Variants in JADE1 observed in about 807,000 individuals in gnomAD.
JADE1 encodes the protein jade family PHD finger 1, also known as protein Jade-1.
In JADE1, 14 loss-of-function variants were observed where a neutral mutation model predicts 81.8. The observed-to-expected ratio is 0.17, with a 90% confidence interval of 0.11 to 0.27. The LOEUF is 0.27. Among genes scored for constraint, JADE1 ranks in the 10% least tolerant of loss-of-function variants. The pLI, the probability that JADE1 is intolerant of heterozygous loss-of-function variation, is 1.00. For synonymous variants in JADE1, 353 were observed against 391.9 expected, an observed-to-expected ratio of 0.90 and a Z score of 1.17; for missense variants, 690 against 1,047.9, an observed-to-expected ratio of 0.66 and a Z score of 4.71.
At chr4:128,830,048 T>G (rs940414655) in intron 1 of JADE1, among the ~76,000 whole-genome samples, 2 of 151,470 alleles carry the variant, frequency 1.3e-5, no homozygotes, top group African/African-American at 4.9e-5. Context: ...CGGCTAATTT[T>G]TGTATTTTTA....
Position 128,872,734 on chromosome 4 carries a change from G to T in JADE1, c.*472G>T. The stretch of plus-strand genomic sequence containing the variant: ...GATCTTGAAATCATATTTATATTTG[G>T]CCCTCAAGGCTATTTTTGTTGCATT... On this transcript the variant is annotated 3_prime_UTR_variant, in exon 11 of 11. Coordinates refer to ENST00000226319, the MANE Select transcript of JADE1 (RefSeq NM_199320.4). 3.5e-6 allele frequency: 1 copy of T among 288,340 alleles called. No individual in the cohort carries two copies. Among genetic ancestry groups the T allele is most frequent in the South Asian group, 3.1e-5 (1 of 32,604 alleles). 17.9% of individuals were successfully genotyped at this position (288,340 alleles called of 1,614,324 possible).
intron 10 of JADE1, among the ~76,000 whole-genome samples, chr4:128,870,245 A>G (rs1052553367): frequency 3.9e-5 from 6 of 152,226 alleles, no homozygotes; most frequent in Non-Finnish European, 8.8e-5. Flanking sequence ...AGCAGGTTGT[A>G]AAACACCTCC....
chr4:128,812,451 C>A (rs992283777), intron 1 of JADE1, among the ~76,000 whole-genome samples: 14 of 152,048 alleles, frequency 9.2e-5, no homozygotes, highest in Non-Finnish European at 1.9e-4. Context: ...CGGGGTGCCC[C>A]CCTTGCTGGG....
At position 128,855,674 on chromosome 4, in the gene JADE1, C is replaced by T. The variant is rs200813117; in HGVS notation, c.741C>T (p.Cys247=). The change falls in exon 7 of 11, where the codon TGC becomes TGT. Residue 247 remains cysteine, a synonymous_variant. Coordinates refer to ENST00000226319, the MANE Select transcript of JADE1 (RefSeq NM_199320.4). ...AGGTACCAGAGGGCAGCTGGCTGTGCCGGACATGTGCCCTGGGGGTTCAGC... is the reference window on the plus strand; with the variant it reads ...AGGTACCAGAGGGCAGCTGGCTGTGTCGGACATGTGCCCTGGGGGTTCAGC... The part of the protein sequence containing the change: ...ILKVPEGSWL[C]RTCALGVQPK... The T allele has an allele frequency of 1.2e-6, 2 of 1,614,020 alleles. No individual in the cohort carries two copies. Among genetic ancestry groups the T allele is most frequent in the African/African-American group, 2.7e-5 (2 of 75,058 alleles).
intron 1 of JADE1, among the ~76,000 whole-genome samples, chr4:128,814,176 TG>T (rs1454792719): frequency 3.3e-5 from 5 of 152,140 alleles, no homozygotes; most frequent in African/African-American, 1.2e-4. Flanking sequence ...ATGAAAAGTA[TG>T]TGTGTCTGGG....
chr4:128,823,256 A>T (rs973960957), intron 1 of JADE1, among the ~76,000 whole-genome samples: 1 of 152,238 alleles, frequency 6.6e-6, no homozygotes, highest in African/African-American at 2.4e-5. Context: ...CTTAGAGCTC[A>T]TAAGCAGTGA....
chr4:128,819,597 C>T (rs182739847), intron 1 of JADE1, among the ~76,000 whole-genome samples: 3 of 152,294 alleles, frequency 2.0e-5, no homozygotes, highest in South Asian at 2.1e-4. Context: ...CCTACCACTC[C>T]GGGAGAACTC....
chr4:128,848,944 A>G, intron 4 of JADE1, 36 bp from the exon 5 acceptor site: 10 of 1,607,334 alleles, frequency 6.2e-6, no homozygotes, highest in Middle Eastern at 1.7e-4. Flanking sequence ...TGTGGCTGAA[A>G]GGGTAACCTG....
Position 128,871,823 on chromosome 4 carries a change from A to G in JADE1, c.2090A>G (p.Asn697Ser). Residue 697 changes from asparagine (N) to serine (S), a missense_variant, in exon 11 of 11, where the codon AAC becomes AGC. Physicochemically the swap from Asn to Ser is conservative, Grantham distance 46 (BLOSUM62 1). Around this residue, in one of 8 missense-constraint regions of JADE1, gnomAD observed 218 missense variants for 274.3 expected, o/e 0.79. Transcript: ENST00000226319. This position sits in a 1 kb window ranked among gnomAD's most constrained non-coding sequence, Gnocchi z 4.1. ...GATGTGTCCCAGAGGCATCTGGACA[A>G]CACAAGAGCTGCCACCTCCCCTGGA... Reference protein sequence around the residue: ...STDVSQRHLDNTRAATSPGVG... With the variant: ...STDVSQRHLDSTRAATSPGVG... The G allele has an allele frequency of 3.1e-6, 5 of 1,614,188 alleles. No individual in the cohort carries two copies. Among genetic ancestry groups the G allele is most frequent in the Non-Finnish European group, 3.4e-6 (4 of 1,180,008 alleles).
chr4:128,873,244 C>A lies in JADE1; in HGVS notation c.*982C>A, dbSNP rs2125909692. 1 of 93,416 alleles carries A rather than the reference C, an allele frequency of 1.1e-5. No individual in the cohort carries two copies. The highest frequency in any genetic ancestry group is 3.2e-4 in the East Asian group (1 of 3,164). 5.8% of individuals were successfully genotyped at this position (93,416 alleles called of 1,614,324 possible). A position where few individuals can be genotyped will look rare whatever the true frequency, so the allele number is the denominator to read the frequency against. On this transcript the variant is annotated 3_prime_UTR_variant, in exon 11 of 11. Transcript: ENST00000226319. ...CTGGGCTTCCAACATGAATGGATTC[C>A]TTAAGAAAAAGGAAAAAAAAAAAAA...
intron 1 of JADE1, among the ~76,000 whole-genome samples, chr4:128,814,707 T>C (rs146429142): frequency 0.023 from 3,480 of 150,680 alleles, 117 homozygotes; most frequent in African/African-American, 0.076. Context: ...GATTACAGGC[T>C]CCCGCCACCA....
rs1197172891 is a variant in JADE1 at position 128,875,189 on chromosome 4, CTGTA to C, written c.*2931_*2934del. 6.6e-6 allele frequency: 1 copy of C among 152,554 alleles called. No homozygotes were observed. The highest frequency in any genetic ancestry group is 1.5e-5 in the Non-Finnish European group (1 of 68,008). The allele number at this position is 152,554 out of a possible 1,614,324, so 9.5% of individuals were successfully genotyped here. On this transcript the variant is annotated 3_prime_UTR_variant, in exon 11 of 11. Transcript: ENST00000226319. Reference sequence around the variant, plus strand: ...ATTTAGTAGAATTGTGCCTTTTTGTCTGTATGTGAATAAATGCTGTACATTTTGC... The same window carrying C: ...ATTTAGTAGAATTGTGCCTTTTTGTCTGTGAATAAATGCTGTACATTTTGC...
rs77058527 is a variant in JADE1, at chr4:128,869,672, T to C, written c.1622-1683T>C. ...ATATTCTTAATAAGTCTGGGAGTTATTTTGTGGTAACAGAGCTGTAATGTA... is the reference window on the plus strand; with the variant it reads ...ATATTCTTAATAAGTCTGGGAGTTACTTTGTGGTAACAGAGCTGTAATGTA... On this transcript the variant is annotated intron_variant, in intron 10 of 10. Transcript: ENST00000226319. Among the ~76,000 whole-genome samples the C allele has an allele frequency of 9.9e-3, 1,507 of 152,330 alleles. 26 individuals carry two copies. The highest frequency in any genetic ancestry group is 0.035 in the African/African-American group (1,452 of 41,574).
At chr4:128,850,328 T>A (rs1257702778) in intron 5 of JADE1, among the ~76,000 whole-genome samples, 2 of 118,886 alleles carry the variant, frequency 1.7e-5, no homozygotes, top group African/African-American at 5.8e-5. Context: ...AAAAAAAAAA[T>A]CACAAGATTT....
At chr4:128,860,618 C>G (rs1031629082) in intron 8 of JADE1, among the ~76,000 whole-genome samples, 2 of 152,204 alleles carry the variant, frequency 1.3e-5, no homozygotes, top group African/African-American at 4.8e-5. Flanking sequence ...GGACTGGCTT[C>G]AGTCACCATG....
chr4:128,830,830 G>A (rs927258718), intron 1 of JADE1, among the ~76,000 whole-genome samples: 3 of 152,162 alleles, frequency 2.0e-5, no homozygotes, highest in Non-Finnish European at 4.4e-5. Flanking sequence ...TGGCCATTCC[G>A]TCTCAGTTCA....
At chr4:128,826,449 C>T (rs943215857) in intron 1 of JADE1, among the ~76,000 whole-genome samples, 3 of 152,094 alleles carry the variant, frequency 2.0e-5, no homozygotes, top group Non-Finnish European at 2.9e-5. Context: ...CCTCCACCTC[C>T]TGGGTTCAAG....
In JADE1 at chr4:128,874,209, G is replaced by A. The variant is rs377606736; in HGVS notation, c.*1947G>A. The stretch of plus-strand genomic sequence containing the variant: ...AGCAAAAACCTTTTGCTGGATACAG[G>A]AGAAGGTTGGACTTTATCTACAGTT... On this transcript the variant is annotated 3_prime_UTR_variant, in exon 11 of 11. Transcript: ENST00000226319. The A allele has an allele frequency of 2.0e-5, 3 of 152,666 alleles. No homozygotes were observed. Among genetic ancestry groups the A allele is most frequent in the South Asian group, 2.1e-4 (1 of 4,822 alleles). The allele number at this position is 152,666 out of a possible 1,614,324, so 9.5% of individuals were successfully genotyped here. A position where few individuals can be genotyped will look rare whatever the true frequency, so the allele number is the denominator to read the frequency against.
chr4:128,861,569 C>CT (rs1731331010), intron 8 of JADE1, 135 bp from the exon 9 acceptor site: 2 of 1,037,626 alleles, frequency 1.9e-6, no homozygotes, highest in South Asian at 1.6e-5. Context: ...CCACGTACAA[C>CT]TTTCCTGTCA....
Sources: allele counts gnomAD v4.1 joint callset (sites outside exome capture counted in the v4.1 genomes callset), GRCh38; gene constraint gnomAD v4.1.1; regional missense constraint gnomAD v4.1.1; non-coding constraint Gnocchi (gnomAD v3.1); transcripts MANE v1.5; gene names NCBI Gene and HGNC (gene_info 2026-07-23, HGNC 2026-07-21).